The following SRBD1 variants were observed in gnomAD, a reference collection of about 807,000 sequenced individuals.
SRBD1 encodes S1 RNA binding domain 1, also known as S1 RNA-binding domain-containing protein 1.
Under a neutral mutation model 115.3 loss-of-function variants are expected in SRBD1, and 88 were observed. The ratio of observed to expected loss-of-function variants is 0.76; its 90% CI spans 0.64 to 0.91. The LOEUF (loss-of-function observed/expected upper bound fraction) is 0.91. SRBD1 is among the 40% of genes least tolerant of loss of function. The pLI is 0.00. For synonymous variants in SRBD1, 509 were observed against 407.7 expected (o/e 1.25, Z -2.99); for missense variants, 1,385 against 1,177.4 (o/e 1.18, Z -2.58).
intron 19 of SRBD1, among the ~76,000 whole-genome samples, chr2:45,412,811 G>T (rs1046407754): frequency 2.0e-5 from 3 of 152,190 alleles, no homozygotes; most frequent in South Asian, 2.1e-4. Context: ...TATGCCAGGT[G>T]CTAGTCAATT....
intron 4 of SRBD1, among the ~76,000 whole-genome samples, chr2:45,591,109 C>T (rs1487287563): frequency 1.3e-5 from 2 of 152,152 alleles, no homozygotes. Context: ...AGTCATGCAG[C>T]TGGAGGCTTC....
chr2:45,471,964 G>C (rs1013543116), intron 16 of SRBD1, among the ~76,000 whole-genome samples: 5 of 152,014 alleles, frequency 3.3e-5, no homozygotes, highest in African/African-American at 1.2e-4. Context: ...AAATGACCCA[G>C]CAAATCCATT....
intron 19 of SRBD1, among the ~76,000 whole-genome samples, chr2:45,401,691 G>A (rs1042391691): frequency 6.6e-6 from 1 of 152,222 alleles, no homozygotes; most frequent in African/African-American, 2.4e-5. Context: ...GAACGAAGCT[G>A]TGGTGAATTT....
At chr2:45,581,877 A>C (rs1673376588) in intron 5 of SRBD1, 67 bp from the exon 6 acceptor site, 5 of 1,277,554 alleles carry the variant, frequency 3.9e-6, no homozygotes, top group South Asian at 1.3e-5. Flanking sequence ...AAGCTACCTC[A>C]AACTTACAGA....
At chr2:45,425,849 C>T (rs917468823) in intron 16 of SRBD1, among the ~76,000 whole-genome samples, 3 of 152,178 alleles carry the variant, frequency 2.0e-5, no homozygotes, top group Non-Finnish European at 4.4e-5. Context: ...GTCTTTGCAA[C>T]CCGCAGACCA....
chr2:45,450,344 T>C (rs1668956265), intron 16 of SRBD1, among the ~76,000 whole-genome samples: 2 of 152,114 alleles, frequency 1.3e-5, no homozygotes, highest in South Asian at 2.1e-4. Flanking sequence ...TCCCTTGAAA[T>C]TGTAGGTATA....
At chr2:45,482,613 AACACACACACACAC>A (rs70937962) in intron 15 of SRBD1, among the ~76,000 whole-genome samples, 100 of 148,646 alleles carry the variant, frequency 6.7e-4, no homozygotes, top group Middle Eastern at 3.4e-3. Context: ...CACAACGTTA[AACACACACACACAC>A]ACACACACAC....
rs78859815 is a variant in SRBD1 at position 45,444,437 on chromosome 2, G to C, written c.2050-24543C>G. ...ATATGTAAAGACATGGAAACCTCCT[G>C]TATACACTTGGGTGAAGGTGGGACA... On this transcript the variant is annotated intron_variant, in intron 16 of 20. Transcript: ENST00000263736. Among the ~76,000 whole-genome samples the C allele has an allele frequency of 1.8e-3, 270 of 152,230 alleles. 1 individual carries two copies. The highest frequency in any genetic ancestry group is 6.2e-3 in the African/African-American group (259 of 41,544).
At chr2:45,603,587 T>C (rs1228653236) in intron 2 of SRBD1, among the ~76,000 whole-genome samples, 1 of 152,340 alleles carries the variant, frequency 6.6e-6, no homozygotes, top group South Asian at 2.1e-4. Context: ...TGGAGTGCAG[T>C]GACGTGATCT....
chr2:45,586,656 C>T (rs1050879233), intron 4 of SRBD1, among the ~76,000 whole-genome samples: 2 of 151,682 alleles, frequency 1.3e-5, no homozygotes, highest in Admixed American at 6.6e-5. Context: ...ACTGATCCTC[C>T]AGCCTCAGCC....
intron 16 of SRBD1, among the ~76,000 whole-genome samples, chr2:45,423,803 T>A (rs561272941): frequency 4.2e-4 from 64 of 152,210 alleles, no homozygotes; most frequent in Non-Finnish European, 7.9e-4. Context: ...AACAAAATAC[T>A]AATAAACTAA....
chr2:45,570,281 T>C (rs533601622), intron 9 of SRBD1, among the ~76,000 whole-genome samples: 3 of 152,368 alleles, frequency 2.0e-5, no homozygotes, highest in African/African-American at 7.2e-5. Flanking sequence ...GCATTTAATA[T>C]AATTGTAGGG....
chr2:45,593,950 A>G (rs1673806433), intron 4 of SRBD1, among the ~76,000 whole-genome samples: 1 of 152,226 alleles, frequency 6.6e-6, no homozygotes, highest in African/African-American at 2.4e-5. Flanking sequence ...AGCTTGTTGC[A>G]TGGTTACACT....
At chr2:45,429,158 G>C (rs895414561) in intron 16 of SRBD1, among the ~76,000 whole-genome samples, 6 of 151,990 alleles carry the variant, frequency 3.9e-5, no homozygotes, top group African/African-American at 1.5e-4. Flanking sequence ...GTAATTAATA[G>C]CCTACCAACC....
chr2:45,479,306 G>T (rs557351521), intron 15 of SRBD1, among the ~76,000 whole-genome samples: 23 of 152,290 alleles, frequency 1.5e-4, no homozygotes, highest in African/African-American at 5.3e-4. Context: ...TAGAAATAAT[G>T]AAGCTTATTC....
intron 14 of SRBD1, among the ~76,000 whole-genome samples, chr2:45,492,501 C>A (rs1250700845): frequency 6.6e-6 from 1 of 152,108 alleles, no homozygotes; most frequent in African/African-American, 2.4e-5. Context: ...TGCAGTGGCG[C>A]CATCTCCGCT....
At position 45,579,887 on chromosome 2, in the gene SRBD1, G is replaced by C. The variant is rs776707809; in HGVS notation, c.1060C>G (p.Pro354Ala). ...GELSLLSYIRPDVKGLSTLQD... is the reference protein window; with the variant it reads ...GELSLLSYIRADVKGLSTLQD... The stretch of plus-strand genomic sequence containing the variant: ...ATAAAGCCAGTACCTTTAACGTCAG[G>C]CCTAATGTACGATAGCAGACTGAGC... Residue 354 changes from proline to alanine, a missense_variant, in exon 7 of 21, where the codon CCT becomes GCT. Pro to Ala is a conservative substitution (Grantham distance 27, BLOSUM62 -1). Coordinates refer to ENST00000263736, the MANE Select transcript of SRBD1 (RefSeq NM_018079.5). 5.7e-6 allele frequency: 9 copies of C among 1,591,044 alleles called. No individual in the cohort carries two copies. The South Asian group carries it at 9.2e-5, about 16-fold the overall frequency.
intron 6 of SRBD1, among the ~76,000 whole-genome samples, chr2:45,580,870 A>G (rs1673338948): frequency 6.7e-6 from 1 of 149,872 alleles, no homozygotes; most frequent in African/African-American, 2.5e-5. Flanking sequence ...TTTTTAGTAG[A>G]GACGGGGTTT....
At chr2:45,513,583 G>A (rs567579043) in intron 14 of SRBD1, among the ~76,000 whole-genome samples, 2 of 152,098 alleles carry the variant, frequency 1.3e-5, no homozygotes, top group African/African-American at 4.8e-5. Context: ...ATTTGGCAGA[G>A]TTTAGGACCT....
Sources: allele counts gnomAD v4.1 joint callset (sites outside exome capture counted in the v4.1 genomes callset), GRCh38; gene constraint gnomAD v4.1.1; transcripts MANE v1.5; gene names NCBI Gene and HGNC (gene_info 2026-07-23, HGNC 2026-07-21).